Variants in TSPEAR observed in about 807,000 individuals in gnomAD.
TSPEAR encodes the protein thrombospondin-type laminin G domain and EAR repeat-containing protein.
Under a neutral mutation model 71.6 loss-of-function variants are expected in TSPEAR, and 69 were observed. That is an observed-to-expected ratio of 0.96 (90% confidence interval 0.79 to 1.18). The LOEUF is 1.18. Ranked by LOEUF, TSPEAR falls within the 50% of genes most tolerant of loss-of-function variation. TSPEAR has a pLI of 0.00. For missense variants in TSPEAR, 971 were observed against 894.9 expected (o/e 1.09, Z -1.09); for synonymous variants, 402 against 387.2 (o/e 1.04, Z -0.45).
intron 1 of TSPEAR, among the ~76,000 whole-genome samples, chr21:44,588,747 T>TCA (rs199593901): frequency 6.8e-6 from 1 of 146,242 alleles, no homozygotes; most frequent in Admixed American, 6.9e-5. Context: ...TATATATATG[T>TCA]TATATATATG....
At chr21:44,679,093 G>A (rs1986459104) in intron 1 of TSPEAR, among the ~76,000 whole-genome samples, 1 of 152,062 alleles carries the variant, frequency 6.6e-6, no homozygotes, top group Admixed American at 6.5e-5. Flanking sequence ...ATAAGCCTTG[G>A]GTCTGGAGGG....
chr21:44,608,310 T>A (rs1239268455), intron 1 of TSPEAR, among the ~76,000 whole-genome samples: 1 of 152,260 alleles, frequency 6.6e-6, no homozygotes, highest in Admixed American at 6.5e-5. Context: ...AAAGCCAGCA[T>A]GCCCTGGCTC....
chr21:44,568,799 G>A (rs902316381), intron 1 of TSPEAR, among the ~76,000 whole-genome samples: 4 of 152,186 alleles, frequency 2.6e-5, no homozygotes, highest in Non-Finnish European at 4.4e-5. Flanking sequence ...GCTGAATGAA[G>A]CAGGTGTTCC....
intron 1 of TSPEAR, chr21:44,601,528 T>G (rs782792137): frequency 1.2e-6 from 2 of 1,613,902 alleles, no homozygotes; most frequent in Non-Finnish European, 8.5e-7. Flanking sequence ...CACCTCCTGC[T>G]GCAGACCCTC....
intron 2 of TSPEAR, among the ~76,000 whole-genome samples, chr21:44,564,376 AT>A (rs1189777410): frequency 6.6e-6 from 1 of 152,202 alleles, no homozygotes; most frequent in Non-Finnish European, 1.5e-5. Context: ...GATGTAATAG[AT>A]ACTCTGTAAA....
At chr21:44,511,313 G>A (rs1199833141) in intron 9 of TSPEAR, among the ~76,000 whole-genome samples, 3 of 152,126 alleles carry the variant, frequency 2.0e-5, no homozygotes, top group Non-Finnish European at 2.9e-5. Flanking sequence ...ACACACACAT[G>A]CACGCCTGCA....
chr21:44,615,195 T>C (rs587624543), intron 1 of TSPEAR, among the ~76,000 whole-genome samples: 1 of 152,332 alleles, frequency 6.6e-6, no homozygotes, highest in African/African-American at 2.4e-5. Flanking sequence ...CATGAAAAAT[T>C]AGAAACAACC....
At chr21:44,626,812 C>A (rs1281235023) in intron 1 of TSPEAR, among the ~76,000 whole-genome samples, 6 of 152,114 alleles carry the variant, frequency 3.9e-5, no homozygotes, top group Admixed American at 3.9e-4. Context: ...TGGCCCCAGG[C>A]ACATCCCACC....
intron 1 of TSPEAR, among the ~76,000 whole-genome samples, chr21:44,608,566 A>G (rs1192641731): frequency 6.6e-6 from 1 of 152,254 alleles, no homozygotes; most frequent in Non-Finnish European, 1.5e-5. Flanking sequence ...AAGAAACACA[A>G]GTAGCCATAT....
Position 44,546,655 on chromosome 21 carries a change from G to A in TSPEAR, c.304-12732C>T, listed in dbSNP as rs1247835668. Among the ~76,000 whole-genome samples the A allele has an allele frequency of 2.0e-5, 3 of 152,186 alleles. No individual in the cohort carries two copies. Among genetic ancestry groups the A allele is most frequent in the African/African-American group, 4.8e-5 (2 of 41,448 alleles). ...TCTTTCATTTTTGAAGGATAATTTT[G>A]TCAGATGCTGATGCCTTTTTGGTTG... On this transcript the variant is annotated intron_variant, in intron 2 of 11. Transcript: ENST00000323084. This position sits in a 1 kb window ranked among gnomAD's most constrained non-coding sequence, Gnocchi z 4.4.
At chr21:44,619,026 G>A (rs1982283713) in intron 1 of TSPEAR, among the ~76,000 whole-genome samples, 1 of 152,132 alleles carries the variant, frequency 6.6e-6, no homozygotes, top group Non-Finnish European at 1.5e-5. Context: ...GAGCTGAGAA[G>A]CTCTCATTGC....
chr21:44,524,426 GTCAA>G (rs1314549852), intron 8 of TSPEAR, among the ~76,000 whole-genome samples: 4 of 151,864 alleles, frequency 2.6e-5, no homozygotes, highest in South Asian at 2.1e-4. Flanking sequence ...CAGTCAGGCA[GTCAA>G]TCAATGAGTC....
chr21:44,604,155 C>T (rs1432464896), intron 1 of TSPEAR, among the ~76,000 whole-genome samples: 13 of 152,276 alleles, frequency 8.5e-5, no homozygotes, highest in African/African-American at 2.4e-4. Flanking sequence ...TGGAGGCTCA[C>T]GTGCCAGAGA....
chr21:44,627,735 T>C (rs1363128616), intron 1 of TSPEAR: 4 of 1,594,556 alleles, frequency 2.5e-6, no homozygotes, highest in African/African-American at 1.3e-5. Context: ...CTGTCTGCTG[T>C]AAGCCTGTCT....
chr21:44,591,186 T>G, intron 1 of TSPEAR: 1 of 1,066,770 alleles, frequency 9.4e-7, no homozygotes, highest in Non-Finnish European at 1.3e-6. Flanking sequence ...GGGTTAGTTC[T>G]GCAGAACTTG....
chr21:44,697,360 C>G, intron 1 of TSPEAR: 1 of 1,613,276 alleles, frequency 6.2e-7, no homozygotes, highest in Non-Finnish European at 8.5e-7. Flanking sequence ...TGGTCTGCAC[C>G]CCAGTGAGCC....
chr21:44,699,169 C>G (rs549657934), intron 1 of TSPEAR, among the ~76,000 whole-genome samples: 78 of 152,090 alleles, frequency 5.1e-4, no homozygotes, highest in Middle Eastern at 3.4e-3. Context: ...TGCACTCCAG[C>G]CTGGACGACA....
intron 9 of TSPEAR, chr21:44,510,567 T>A (rs974257115): frequency 6.6e-5 from 10 of 152,174 alleles, no homozygotes; most frequent in Non-Finnish European, 1.5e-4. Context: ...AGGCATCTTC[T>A]GGTCCCCCTG....
intron 2 of TSPEAR, among the ~76,000 whole-genome samples, chr21:44,553,204 A>G (rs191879939): frequency 2.0e-5 from 3 of 152,368 alleles, no homozygotes; most frequent in East Asian, 1.9e-4. Flanking sequence ...CGAAGTTACT[A>G]TGGACAGACG....
Sources: allele counts gnomAD v4.1 joint callset (sites outside exome capture counted in the v4.1 genomes callset), GRCh38; gene constraint gnomAD v4.1.1; non-coding constraint Gnocchi (gnomAD v3.1); transcripts MANE v1.5; gene names NCBI Gene and HGNC (gene_info 2026-07-23, HGNC 2026-07-21).